The following SMAP1 variants were observed in gnomAD, a reference collection of about 807,000 sequenced individuals.
The protein encoded by SMAP1 is stromal membrane-associated protein 1.
SMAP1 carries 24 observed loss-of-function variants against 58.5 expected under a neutral mutation model. The ratio of observed to expected loss-of-function variants is 0.41; its 90% CI spans 0.30 to 0.58. SMAP1 has a LOEUF of 0.58. Ranked by LOEUF, SMAP1 falls within the 20% of genes least tolerant of loss-of-function variation. The pLI, the probability that SMAP1 is intolerant of heterozygous loss-of-function variation, is 0.29. For missense variants in SMAP1, 563 were observed against 566.3 expected, an observed-to-expected ratio of 0.99 and a Z score of 0.06; for synonymous variants, 216 against 196.6, an observed-to-expected ratio of 1.10 and a Z score of -0.82.
chr6:70,727,476 A>C (rs2149855340), intron 1 of SMAP1, among the ~76,000 whole-genome samples: 1 of 152,210 alleles, frequency 6.6e-6, no homozygotes, highest in Middle Eastern at 3.4e-3. Flanking sequence ...GCTGACATTA[A>C]TTTTTACCTC....
intron 6 of SMAP1, among the ~76,000 whole-genome samples, chr6:70,830,522 T>C (rs1008283706): frequency 1.3e-5 from 2 of 152,234 alleles, no homozygotes; most frequent in African/African-American, 4.8e-5. Flanking sequence ...CAAAGTACAA[T>C]ACAGTTGGTA....
intron 7 of SMAP1, among the ~76,000 whole-genome samples, chr6:70,849,694 T>C (rs1771114285): frequency 6.6e-6 from 1 of 152,206 alleles, no homozygotes; most frequent in South Asian, 2.1e-4. Context: ...AGACTATTTT[T>C]GTATGATCCT....
chr6:70,854,491 G>A (rs1035325086), intron 8 of SMAP1, among the ~76,000 whole-genome samples: 35 of 152,102 alleles, frequency 2.3e-4, no homozygotes, highest in Non-Finnish European at 3.1e-4. Flanking sequence ...GCGTGGTGGC[G>A]TGCGCCTGTA....
At chr6:70,729,393 C>T (rs1444891467) in intron 1 of SMAP1, among the ~76,000 whole-genome samples, 1 of 149,250 alleles carries the variant, frequency 6.7e-6, no homozygotes, top group African/African-American at 2.5e-5. Context: ...GAGCCGAGAT[C>T]ACGCCACTGC....
intron 3 of SMAP1, among the ~76,000 whole-genome samples, chr6:70,760,180 T>C (rs909513846): frequency 6.6e-6 from 1 of 152,126 alleles, no homozygotes; most frequent in Non-Finnish European, 1.5e-5. Flanking sequence ...GCAGCTAGAT[T>C]GTAAGATCTA....
chr6:70,669,650 C>T (rs552520576), intron 1 of SMAP1, among the ~76,000 whole-genome samples: 4 of 152,250 alleles, frequency 2.6e-5, no homozygotes, highest in African/African-American at 9.6e-5. Context: ...ACTAGCAAAA[C>T]ACTGAAAAAT....
At chr6:70,706,838 C>T (rs914805765) in intron 1 of SMAP1, among the ~76,000 whole-genome samples, 13 of 151,822 alleles carry the variant, frequency 8.6e-5, no homozygotes, top group African/African-American at 3.1e-4. Flanking sequence ...CTAGAATTCA[C>T]GAATAAAAGA....
chr6:70,731,585 C>T lies in SMAP1; in HGVS notation c.119-793C>T, dbSNP rs558017114. ...CCACCAGTTACCTGCCTCAGTTTCA[C>T]GAAATTTGTAGATACATTTAATTAA... On this transcript the variant is annotated intron_variant, in intron 1 of 10. Transcript: ENST00000370455. 5.3e-5 allele frequency among the ~76,000 whole-genome samples: 8 copies of T among 152,270 alleles called. No homozygotes were observed. In the East Asian group the frequency reaches 5.8e-4, roughly 11 times the overall value.
At chr6:70,682,503 T>C (rs1053998433) in intron 1 of SMAP1, among the ~76,000 whole-genome samples, 8 of 152,150 alleles carry the variant, frequency 5.3e-5, no homozygotes, top group African/African-American at 1.4e-4. Context: ...GCACAGAATA[T>C]TGGCTAATAG....
intron 6 of SMAP1, among the ~76,000 whole-genome samples, chr6:70,835,251 CAAAAAAAA>C (rs778677881): frequency 1.7e-5 from 1 of 57,950 alleles, no homozygotes; most frequent in African/African-American, 6.3e-5. Flanking sequence ...GACTCCGTCT[CAAAAAAAA>C]AAAAAAAAAA....
chr6:70,769,125 A>G (rs1386223657), intron 3 of SMAP1, among the ~76,000 whole-genome samples: 2 of 152,264 alleles, frequency 1.3e-5, no homozygotes, highest in East Asian at 3.9e-4. Context: ...ACAGTTCGTT[A>G]TAATTTCTGA....
At chr6:70,798,512 TTTA>T in intron 5 of SMAP1, 142 bp from the exon 6 acceptor site, 1 of 565,226 alleles carries the variant, frequency 1.8e-6, no homozygotes, top group Non-Finnish European at 3.1e-6. Flanking sequence ...GAATTTACTG[TTTA>T]TTATATTTCA....
At chr6:70,794,827 C>G (rs544128655) in intron 5 of SMAP1, among the ~76,000 whole-genome samples, 1 of 135,454 alleles carries the variant, frequency 7.4e-6, no homozygotes, top group Non-Finnish European at 1.5e-5. Flanking sequence ...TTCACTCTGT[C>G]GCCCAGGTTG....
chr6:70,783,810 C>T (rs747182742), intron 4 of SMAP1, among the ~76,000 whole-genome samples: 5 of 152,144 alleles, frequency 3.3e-5, no homozygotes, highest in Admixed American at 6.5e-5. Context: ...TGTGAAAAGA[C>T]GAAATCTACG....
intron 4 of SMAP1, among the ~76,000 whole-genome samples, chr6:70,784,928 G>C (rs1000279349): frequency 6.6e-6 from 1 of 152,122 alleles, no homozygotes; most frequent in Non-Finnish European, 1.5e-5. Flanking sequence ...CCCAGGAATA[G>C]AACTCAGCTC....
At chr6:70,751,205 A>G (rs1361609375) in intron 2 of SMAP1, among the ~76,000 whole-genome samples, 1 of 152,212 alleles carries the variant, frequency 6.6e-6, no homozygotes, top group Non-Finnish European at 1.5e-5. Flanking sequence ...GTGCCACTGC[A>G]CTCAAGCCTG....
chr6:70,802,177 C>T (rs1351224886), intron 6 of SMAP1, among the ~76,000 whole-genome samples: 1 of 152,078 alleles, frequency 6.6e-6, no homozygotes, highest in African/African-American at 2.4e-5. Flanking sequence ...TGTTTGTGTC[C>T]TCTTTTATTT....
intron 6 of SMAP1, among the ~76,000 whole-genome samples, chr6:70,806,244 C>T (rs1769124368): frequency 6.6e-6 from 1 of 152,224 alleles, no homozygotes; most frequent in Admixed American, 6.5e-5. Flanking sequence ...CCAGCTGCGG[C>T]TTCACAGTTT....
At chr6:70,784,197 A>G (rs999932697) in intron 4 of SMAP1, among the ~76,000 whole-genome samples, 2 of 152,196 alleles carry the variant, frequency 1.3e-5, no homozygotes, top group African/African-American at 2.4e-5. Context: ...ATATCCAGCC[A>G]AACTAAGCTT....
Sources: gnomAD v4.1 joint callset for allele counts (sites outside exome capture counted in the v4.1 genomes callset) on GRCh38, gnomAD v4.1.1 for gene constraint, MANE v1.5 for transcripts, NCBI Gene and HGNC (gene_info 2026-07-23, HGNC 2026-07-21) for gene names.